Variants in METTL14 observed in about 807,000 individuals in gnomAD.
METTL14 encodes the protein N(6)-adenosine-methyltransferase non-catalytic subunit METTL14.
In METTL14, 32 loss-of-function variants were observed where a neutral mutation model predicts 62.4. That is an observed-to-expected ratio of 0.51 (90% CI 0.39 to 0.69). METTL14 has a LOEUF of 0.69. Among genes scored for constraint, METTL14 ranks in the 30% least tolerant of loss-of-function variants. METTL14 has a pLI of 0.00. For synonymous variants in METTL14, 150 were observed against 180.0 expected (o/e 0.83, Z 1.34); for missense variants, 340 against 551.9 (o/e 0.62, Z 3.85).
At chr4:118,692,546 G>A (rs908593268) in intron 5 of METTL14, among the ~76,000 whole-genome samples, 1 of 152,086 alleles carries the variant, frequency 6.6e-6, no homozygotes, top group African/African-American at 2.4e-5. Flanking sequence ...GAGATTACAG[G>A]CGTGAGCCAC....
intron 10 of METTL14, among the ~76,000 whole-genome samples, chr4:118,707,455 G>A (rs1270234331): frequency 6.6e-6 from 1 of 151,972 alleles, no homozygotes; most frequent in Non-Finnish European, 1.5e-5. Flanking sequence ...CTTGAGGTCA[G>A]GAGTTTGAGA....
intron 7 of METTL14, among the ~76,000 whole-genome samples, chr4:118,699,664 C>CTCT (rs1724527843): frequency 6.6e-6 from 1 of 152,152 alleles, no homozygotes; most frequent in South Asian, 2.1e-4. Flanking sequence ...CGTGAGGTTT[C>CTCT]AGCAGTGAAG....
At chr4:118,686,850 T>G (rs1724080564) in intron 1 of METTL14, among the ~76,000 whole-genome samples, 1 of 152,212 alleles carries the variant, frequency 6.6e-6, no homozygotes, top group Admixed American at 6.5e-5. Flanking sequence ...TTTTAAAGTC[T>G]TTTATGAATT....
intron 7 of METTL14, among the ~76,000 whole-genome samples, chr4:118,698,725 A>C (rs186250057): frequency 6.6e-6 from 1 of 152,260 alleles, no homozygotes; most frequent in East Asian, 1.9e-4. Context: ...GAAGATGAGC[A>C]GGATTAGAGA....
intron 5 of METTL14, among the ~76,000 whole-genome samples, chr4:118,692,299 G>T (rs1261998201): frequency 6.7e-6 from 1 of 149,342 alleles, no homozygotes; most frequent in Non-Finnish European, 1.5e-5. Flanking sequence ...ATCTCTCTTG[G>T]CTCACTACAA....
chr4:118,686,564 G>A (rs1724066937), intron 1 of METTL14: 1 of 456,012 alleles, frequency 2.2e-6, no homozygotes. Context: ...GTGGAATATG[G>A]CTAAAACCGT....
chr4:118,695,076 C>T (rs181571537), intron 6 of METTL14, among the ~76,000 whole-genome samples: 5 of 150,804 alleles, frequency 3.3e-5, no homozygotes, highest in African/African-American at 1.2e-4. Context: ...GGGTGATTTG[C>T]CCCCCTCAAC....
rs1309426653 is a variant in METTL14 at position 118,714,458 on chromosome 4, G to C, written c.*4156G>C. 1 of 152,198 alleles carries C rather than the reference G, an allele frequency of 6.6e-6. No individual in the cohort carries two copies. Among genetic ancestry groups the C allele is most frequent in the Non-Finnish European group, 1.5e-5 (1 of 68,046 alleles). 9.4% of individuals were successfully genotyped at this position (152,198 alleles called of 1,614,324 possible). On this transcript the variant is annotated 3_prime_UTR_variant, in exon 11 of 11. Transcript: ENST00000388822. ...TGTCACCACAGAGAGAAGAGGGTAA[G>C]TCTGAGATGTTCATGTGCATTTCCC...
intron 1 of METTL14, 124 bp from the exon 2 acceptor site, chr4:118,687,799 G>A (rs191443177): frequency 1.5e-5 from 10 of 666,288 alleles, no homozygotes; most frequent in South Asian, 7.8e-5. Context: ...TTGTGTGTGT[G>A]TGTGTGTGTG....
At chr4:118,700,190 T>G (rs1359090887) in intron 7 of METTL14, among the ~76,000 whole-genome samples, 2 of 152,190 alleles carry the variant, frequency 1.3e-5, no homozygotes, top group Non-Finnish European at 2.9e-5. Flanking sequence ...ACATTGGGCT[T>G]AGTTAAGTGC....
At chr4:118,704,981 C>G (rs1431018692) in intron 9 of METTL14, among the ~76,000 whole-genome samples, 1 of 151,986 alleles carries the variant, frequency 6.6e-6, no homozygotes, top group Non-Finnish European at 1.5e-5. Context: ...TAGATAGTGT[C>G]AGAATTGAAT....
At chr4:118,687,548 G>C (rs999629421) in intron 1 of METTL14, among the ~76,000 whole-genome samples, 2 of 152,136 alleles carry the variant, frequency 1.3e-5, no homozygotes, top group Non-Finnish European at 2.9e-5. Flanking sequence ...GTTGTGTTCT[G>C]ATAAACCCAT....
chr4:118,687,874 AG>A, intron 1 of METTL14, 48 bp from the exon 2 acceptor site: 1 of 1,488,700 alleles, frequency 6.7e-7, no homozygotes, highest in African/African-American at 1.4e-5. Context: ...ATGCCCAGAA[AG>A]GCTATCCAGT....
intron 1 of METTL14, among the ~76,000 whole-genome samples, chr4:118,687,531 C>T (rs577668706): frequency 2.6e-5 from 4 of 152,210 alleles, no homozygotes; most frequent in African/African-American, 2.4e-5. Flanking sequence ...CATTGACTTA[C>T]GGTGGAGTTG....
chr4:118,703,490 ACT>A (rs1446707856), intron 8 of METTL14, among the ~76,000 whole-genome samples: 3 of 152,266 alleles, frequency 2.0e-5, no homozygotes, highest in South Asian at 2.1e-4. Flanking sequence ...ATTTTATAAG[ACT>A]CTCATTTGAA....
intron 1 of METTL14, 118 bp from the exon 2 acceptor site, chr4:118,687,805 G>A (rs1384868912): frequency 3.0e-6 from 2 of 677,520 alleles, no homozygotes; most frequent in Admixed American, 5.5e-5. Context: ...GTGTGTGTGT[G>A]TGTGTGAATT....
rs995574654 is a variant in METTL14 at position 118,711,408 on chromosome 4, C to T, written c.*1106C>T. ...ATTATCATTCTTGATGAATACTTTT[C>T]TTATTTTTATGATTTTTCTAATGAA... On this transcript the variant is annotated 3_prime_UTR_variant, in exon 11 of 11. Transcript: ENST00000388822. The T allele has an allele frequency of 2.0e-5, 3 of 152,034 alleles. No individual in the cohort carries two copies. Among genetic ancestry groups the T allele is most frequent in the African/African-American group, 7.2e-5 (3 of 41,402 alleles). 9.4% of individuals were successfully genotyped at this position (152,034 alleles called of 1,614,324 possible).
rs969801333 is a variant in METTL14, at chr4:118,711,217, A to G, written c.*915A>G. 2.0e-5 allele frequency: 3 copies of G among 152,236 alleles called. No homozygotes were observed. Among genetic ancestry groups the G allele is most frequent in the Non-Finnish European group, 4.4e-5 (3 of 68,040 alleles). The allele number at this position is 152,236 out of a possible 1,614,324, so 9.4% of individuals were successfully genotyped here. On this transcript the variant is annotated 3_prime_UTR_variant, in exon 11 of 11. Coordinates refer to ENST00000388822, the MANE Select transcript of METTL14 (RefSeq NM_020961.4). ...GTTTAATGTAAAACCAACTACGGAA[A>G]ACCCTCAACTTAAGGATACAGCTTG...
chr4:118,701,098 A>G (rs891660335), intron 8 of METTL14, among the ~76,000 whole-genome samples: 2 of 152,092 alleles, frequency 1.3e-5, no homozygotes, highest in African/African-American at 2.4e-5. Flanking sequence ...AAGAAGTTAT[A>G]ATACCTGAAC....
Sources: allele counts gnomAD v4.1 joint callset (sites outside exome capture counted in the v4.1 genomes callset), GRCh38; gene constraint gnomAD v4.1.1; transcripts MANE v1.5; gene names NCBI Gene and HGNC (gene_info 2026-07-23, HGNC 2026-07-21).